Variants in LMTK2 observed in about 807,000 individuals in gnomAD.
The protein encoded by LMTK2 is lemur tail kinase 2.
Under a neutral mutation model 127.5 loss-of-function variants are expected in LMTK2, and 37 were observed. The ratio of observed to expected loss-of-function variants is 0.29; its 90% CI spans 0.22 to 0.38. The LOEUF is 0.38. Ranked by LOEUF, LMTK2 falls within the 10% of genes least tolerant of loss-of-function variation. LMTK2 has a pLI of 1.00. For synonymous variants in LMTK2, 819 were observed against 810.1 expected, an observed-to-expected ratio of 1.01 and a Z score of -0.19; for missense variants, 1,694 against 1,920.3, an observed-to-expected ratio of 0.88 and a Z score of 2.20.
intron 1 of LMTK2, among the ~76,000 whole-genome samples, chr7:98,112,205 C>CT (rs1460794145): frequency 1.3e-5 from 2 of 148,336 alleles, no homozygotes; most frequent in African/African-American, 5.3e-5. Flanking sequence ...TCTCATTTTT[C>CT]TTTTTTTTAA....
chr7:98,185,442 T>C (rs542760464), intron 8 of LMTK2, among the ~76,000 whole-genome samples: 3 of 152,374 alleles, frequency 2.0e-5, no homozygotes, highest in Admixed American at 2.0e-4. Context: ...ACAGTAGTTA[T>C]TATTACCTGT....
chr7:98,114,343 G>A (rs970402792), intron 1 of LMTK2, among the ~76,000 whole-genome samples: 7 of 150,250 alleles, frequency 4.7e-5, no homozygotes, highest in South Asian at 2.1e-4. Flanking sequence ...GGGCTAAAAC[G>A]ATCCTCCCAC....
In LMTK2 at chr7:98,129,328, C is replaced by T. The variant is rs535096870; in HGVS notation, c.104-7987C>T. The stretch of plus-strand genomic sequence containing the variant: ...AAGCACTGGGATTACAGGCATGAGC[C>T]GCCGTACCTGGCCCATAAGTTTATT... On this transcript the variant is annotated intron_variant, in intron 1 of 13. Coordinates refer to ENST00000297293, the MANE Select transcript of LMTK2 (RefSeq NM_014916.4). 9.2e-5 allele frequency among the ~76,000 whole-genome samples: 14 copies of T among 151,826 alleles called. No homozygotes were observed. In the East Asian group the frequency reaches 1.7e-3, roughly 19 times the overall value.
At position 98,107,089 on chromosome 7, in the gene LMTK2, C is replaced by T. The variant is rs2116304105; in HGVS notation, c.-89C>T. The T allele has an allele frequency of 2.0e-6, 2 of 1,021,818 alleles. No individual in the cohort carries two copies. The highest frequency in any genetic ancestry group is 1.3e-6 in the Non-Finnish European group (1 of 761,558). The allele number at this position is 1,021,818 out of a possible 1,614,324, so 63.3% of individuals were successfully genotyped here. A position where few individuals can be genotyped will look rare whatever the true frequency, so the allele number is the denominator to read the frequency against. On this transcript the variant is annotated 5_prime_UTR_variant, in exon 1 of 14. Transcript: ENST00000297293. ...ACCGGCGCGGGTGCCACTGAGGCAG[C>T]GGAGGGAGGCAGGATCGACTGACGG...
chr7:98,132,554 C>T (rs547253513), intron 1 of LMTK2, among the ~76,000 whole-genome samples: 2 of 152,138 alleles, frequency 1.3e-5, no homozygotes, highest in East Asian at 3.9e-4. Context: ...CAACCACCAA[C>T]TCATTTTTTA....
Position 98,194,720 on chromosome 7 carries a change from A to C in LMTK2, c.4107+148A>C, listed in dbSNP as rs527961102. ...CAAAAAGTAATTTGGGGTTGGTTAG[A>C]GTTCTAAGAATATGCAGAAATGTCA... On this transcript the variant is annotated intron_variant, in intron 11 of 13. Coordinates refer to ENST00000297293, the MANE Select transcript of LMTK2 (RefSeq NM_014916.4). This position sits in a 1 kb window ranked among gnomAD's most constrained non-coding sequence, Gnocchi z 5.4. 2.5e-5 allele frequency: 17 copies of C among 692,202 alleles called. No homozygotes were observed. Among genetic ancestry groups the C allele is most frequent in the Non-Finnish European group, 3.6e-5 (15 of 422,486 alleles). The allele number at this position is 692,202 out of a possible 1,614,324, so 42.9% of individuals were successfully genotyped here.
chr7:98,145,625 T>C (rs1796761767), intron 3 of LMTK2, among the ~76,000 whole-genome samples: 1 of 152,158 alleles, frequency 6.6e-6, no homozygotes, highest in South Asian at 2.1e-4. Flanking sequence ...TCTGCCTCCA[T>C]ATGTGTATAG....
Position 98,204,906 on chromosome 7 carries a change from C to G in LMTK2, c.4484-558C>G, listed in dbSNP as rs1471692359. ...CTTGACCCCTGGACTTGGGACCAGC[C>G]CACATGCCCTCTGGTGCTGCCCCTG... On this transcript the variant is annotated intron_variant, in intron 13 of 13. Coordinates refer to ENST00000297293, the MANE Select transcript of LMTK2 (RefSeq NM_014916.4). 2.0e-5 allele frequency among the ~76,000 whole-genome samples: 3 copies of G among 152,214 alleles called. No homozygotes were observed. In the East Asian group the frequency reaches 5.8e-4, roughly 29 times the overall value.
At chr7:98,153,873 A>G (rs756904209) in intron 4 of LMTK2, among the ~76,000 whole-genome samples, 2 of 152,136 alleles carry the variant, frequency 1.3e-5, no homozygotes, top group African/African-American at 4.8e-5. Context: ...CAAAAAAAAA[A>G]AGAGAGGGTG....
chr7:98,187,019 T>C, intron 9 of LMTK2, 21 bp downstream of exon 9: 1 of 1,594,368 alleles, frequency 6.3e-7, no homozygotes, highest in Non-Finnish European at 8.5e-7. Flanking sequence ...GCTTACCGTT[T>C]TATTAGTCAT....
intron 1 of LMTK2, among the ~76,000 whole-genome samples, chr7:98,111,535 GCTTAAGGACC>G (rs1268810453): frequency 6.6e-6 from 1 of 152,192 alleles, no homozygotes; most frequent in Non-Finnish European, 1.5e-5. Context: ...CGCTGGAATA[GCTTAAGGACC>G]CTGGGTCAGT....
intron 13 of LMTK2, among the ~76,000 whole-genome samples, chr7:98,204,587 A>G (rs894319226): frequency 6.6e-6 from 1 of 152,248 alleles, no homozygotes; most frequent in African/African-American, 2.4e-5. Flanking sequence ...TGATTGTGCC[A>G]CTGCCCTCCA....
chr7:98,174,494 C>A (rs1797246965), intron 7 of LMTK2, among the ~76,000 whole-genome samples: 1 of 152,204 alleles, frequency 6.6e-6, no homozygotes, highest in South Asian at 2.1e-4. Context: ...ATCCCACTTG[C>A]CTTGCTGGCC....
chr7:98,114,729 G>A (rs1026408536), intron 1 of LMTK2, among the ~76,000 whole-genome samples: 2 of 152,176 alleles, frequency 1.3e-5, no homozygotes, highest in Non-Finnish European at 2.9e-5. Flanking sequence ...TTTTTTCAGA[G>A]CTAACTTGAT....
intron 2 of LMTK2, 63 bp from the exon 3 acceptor site, chr7:98,141,334 C>G: frequency 6.8e-7 from 1 of 1,466,364 alleles, no homozygotes; most frequent in Admixed American, 1.7e-5. Context: ...AATCATTGTG[C>G]AAATATGTTC....
Position 98,113,576 on chromosome 7 carries a change from T to A in LMTK2, c.103+6296T>A, listed in dbSNP as rs1330529806. ...GCACCTGGCCCTTTCTCATTTAAAATCATGTGCTTTTATAGTCGACTAGCA... is the reference window on the plus strand; with the variant it reads ...GCACCTGGCCCTTTCTCATTTAAAAACATGTGCTTTTATAGTCGACTAGCA... On this transcript the variant is annotated intron_variant, in intron 1 of 13. Coordinates refer to ENST00000297293, the MANE Select transcript of LMTK2 (RefSeq NM_014916.4). Among the ~76,000 whole-genome samples the A allele has an allele frequency of 2.6e-5, 4 of 152,166 alleles. No individual in the cohort carries two copies. The East Asian group carries it at 7.7e-4, about 29-fold the overall frequency.
At chr7:98,134,869 A>G (rs1340974337) in intron 1 of LMTK2, among the ~76,000 whole-genome samples, 1 of 152,134 alleles carries the variant, frequency 6.6e-6, no homozygotes, top group Non-Finnish European at 1.5e-5. Context: ...TTCTCATTGA[A>G]AGTTGACTTC....
intron 3 of LMTK2, among the ~76,000 whole-genome samples, chr7:98,146,268 T>G (rs909120607): frequency 7.9e-5 from 12 of 152,196 alleles, no homozygotes; most frequent in African/African-American, 2.9e-4. Flanking sequence ...TATATGAGTC[T>G]TCTTTGTTTT....
chr7:98,107,332 G>C, intron 1 of LMTK2, 52 bp downstream of exon 1: 3 of 1,203,476 alleles, frequency 2.5e-6, no homozygotes, highest in Non-Finnish European at 3.2e-6. Context: ...GCGTGGAGGG[G>C]AGGGGGCGGC....
Sources: gnomAD v4.1 joint callset for allele counts (sites outside exome capture counted in the v4.1 genomes callset) on GRCh38, gnomAD v4.1.1 for gene constraint, Gnocchi (gnomAD v3.1) non-coding constraint, MANE v1.5 for transcripts, NCBI Gene and HGNC (gene_info 2026-07-23, HGNC 2026-07-21) for gene names.